Variants in FGF13 observed in about 807,000 individuals in gnomAD.
The protein encoded by FGF13 is fibroblast growth factor 13, also known as fibroblast growth factor homologous factor 2.
Under a neutral mutation model 19.5 loss-of-function variants are expected in FGF13, and 2 were observed. The ratio of observed to expected loss-of-function variants is 0.10; its 90% CI spans 0.04 to 0.32. FGF13 has a LOEUF of 0.32. Ranked by LOEUF, FGF13 falls within the 10% of genes least tolerant of loss-of-function variation. FGF13 has a pLI of 1.00. For missense variants in FGF13, 113 were observed against 192.7 expected (o/e 0.59, Z 2.45); for synonymous variants, 72 against 76.9 (o/e 0.94, Z 0.33).
At chrX:138,666,385 C>T (rs2089545423) in intron 3 of FGF13, among the ~76,000 whole-genome samples, 2 of 111,665 alleles carry the variant, frequency 1.8e-5, no homozygotes, top group Admixed American at 9.5e-5. Flanking sequence ...AAGCTACATT[C>T]TCCTAAGGTA....
chrX:139,096,117 T>C (rs1411273653), intron 1 of FGF13, among the ~76,000 whole-genome samples: 1 of 111,777 alleles, frequency 8.9e-6, no homozygotes, highest in Admixed American at 9.5e-5. Flanking sequence ...CCCTGCTAAG[T>C]GTTTAGAATG....
intron 1 of FGF13, among the ~76,000 whole-genome samples, chrX:139,171,834 C>A (rs1467801802): frequency 9.0e-6 from 1 of 111,648 alleles, no homozygotes; most frequent in Non-Finnish European, 1.9e-5. Flanking sequence ...TGACTTTATA[C>A]AAGAAAACAA....
At chrX:139,191,243 C>T (rs1424776422) in intron 1 of FGF13, among the ~76,000 whole-genome samples, 2 of 112,160 alleles carry the variant, frequency 1.8e-5, no homozygotes, top group African/African-American at 3.2e-5. Context: ...GGGGAGATGC[C>T]TCTGCACTAA....
chrX:139,008,242 A>T (rs1171020881), intron 1 of FGF13, among the ~76,000 whole-genome samples: 1 of 111,571 alleles, frequency 9.0e-6, no homozygotes, highest in Non-Finnish European at 1.9e-5. Context: ...CAAAGATCAT[A>T]ATCTCTCTGG....
At chrX:139,026,100 T>C (rs1005572552) in intron 1 of FGF13, among the ~76,000 whole-genome samples, 1 of 111,091 alleles carries the variant, frequency 9.0e-6, no homozygotes, top group African/African-American at 3.3e-5. Context: ...TTGCCCCAAC[T>C]TCCCTGCCCT....
chrX:138,633,759 C>G (rs1268547258), intron 4 of FGF13, among the ~76,000 whole-genome samples: 1 of 111,432 alleles, frequency 9.0e-6, no homozygotes, highest in Non-Finnish European at 1.9e-5. Flanking sequence ...TACTCTTATC[C>G]ATATTATACA....
At chrX:138,933,840 A>C (rs774573637) in intron 1 of FGF13, among the ~76,000 whole-genome samples, 16 of 111,410 alleles carry the variant, frequency 1.4e-4, no homozygotes, top group East Asian at 1.4e-3. Context: ...TGTCTTCCCT[A>C]CCAGTCTGTG....
intron 1 of FGF13, among the ~76,000 whole-genome samples, chrX:138,989,798 C>G (rs2092008212): frequency 9.1e-6 from 1 of 109,727 alleles, no homozygotes; most frequent in African/African-American, 3.3e-5. Context: ...AAATGGCCAG[C>G]CCAGAGTTAT....
chrX:138,944,081 T>C (rs758836451), intron 1 of FGF13, among the ~76,000 whole-genome samples: 11 of 111,306 alleles, frequency 9.9e-5, no homozygotes, highest in Non-Finnish European at 1.9e-4. Flanking sequence ...GGAATGCCTA[T>C]ACAATATTAA....
intron 1 of FGF13, among the ~76,000 whole-genome samples, chrX:139,144,847 T>C (rs988037544): frequency 1.0e-4 from 11 of 109,493 alleles, no homozygotes; most frequent in African/African-American, 3.8e-4. Flanking sequence ...TGTCAATATA[T>C]ATTGAATTAT....
At chrX:138,892,839 A>G in intron 1 of FGF13, among the ~76,000 whole-genome samples, 1 of 109,718 alleles carries the variant, frequency 9.1e-6, no homozygotes, top group Middle Eastern at 4.6e-3. Flanking sequence ...AGACATACTT[A>G]GCTACATGAA....
chrX:138,845,882 G>T (rs1236579619), intron 3 of FGF13, among the ~76,000 whole-genome samples: 5 of 111,750 alleles, frequency 4.5e-5, no homozygotes, highest in Non-Finnish European at 9.4e-5. Flanking sequence ...TAAGAGAAAA[G>T]TTACTTGCTG....
At chrX:138,865,485 T>TCCTCTCTCTCTCC in intron 1 of FGF13, among the ~76,000 whole-genome samples, 1 of 91,354 alleles carries the variant, frequency 1.1e-5, no homozygotes, top group South Asian at 5.4e-4. Flanking sequence ...TCTCTCTCTC[T>TCCTCTCTCTCTCC]CCTCTCTCTC....
At chrX:138,737,089 A>G (rs892137049) in intron 1 of FGF13, among the ~76,000 whole-genome samples, 1 of 111,825 alleles carries the variant, frequency 8.9e-6, no homozygotes, top group Admixed American at 9.5e-5. Context: ...TACACAGAGC[A>G]CAGCTGCTGT....
At chrX:138,924,814 C>T (rs2091664099) in intron 1 of FGF13, among the ~76,000 whole-genome samples, 1 of 97,147 alleles carries the variant, frequency 1.0e-5, no homozygotes, top group Non-Finnish European at 2.1e-5. Context: ...AGGTGAACTC[C>T]CAGGTGTTTG....
chrX:138,899,510 T>C (rs950550817), intron 1 of FGF13, among the ~76,000 whole-genome samples: 17 of 111,037 alleles, frequency 1.5e-4, no homozygotes, highest in African/African-American at 5.6e-4. Flanking sequence ...TTGGGGAGAA[T>C]GCTTGCCAAA....
At chrX:139,124,899 T>C (rs1032443368) in intron 1 of FGF13, among the ~76,000 whole-genome samples, 2 of 111,088 alleles carry the variant, frequency 1.8e-5, no homozygotes, top group Admixed American at 1.9e-4. Context: ...AGCCTAGGCT[T>C]CCAAATGGGA....
chrX:138,711,554 C>G lies in FGF13; in HGVS notation c.-551G>C. 1.3e-6 allele frequency: 1 copy of G among 755,912 alleles called. No individual in the cohort carries two copies. The highest frequency in any genetic ancestry group is 1.6e-6 in the Non-Finnish European group (1 of 639,936). 62.3% of individuals were successfully genotyped at this position (755,912 alleles called of 1,213,427 possible). On this transcript the variant is annotated 5_prime_UTR_variant, in exon 1 of 5. Transcript: ENST00000315930. Reference sequence around the variant, plus strand: ...CCTCCGAGTCTTCGACTAGTCCTTGCAACTTCTTGGCGTGATAATCGGGAA... The same window carrying G: ...CCTCCGAGTCTTCGACTAGTCCTTGGAACTTCTTGGCGTGATAATCGGGAA...
At chrX:138,865,472 TCCTCTCTCTCTCTC>T (rs2091316750) in intron 1 of FGF13, among the ~76,000 whole-genome samples, 1 of 81,070 alleles carries the variant, frequency 1.2e-5, no homozygotes, top group African/African-American at 6.2e-5. Flanking sequence ...TCTCTCTCTC[TCCTCTCTCTCTCTC>T]CTCTCTCTCT....
Sources: allele counts gnomAD v4.1 joint callset (sites outside exome capture counted in the v4.1 genomes callset), GRCh38; gene constraint gnomAD v4.1.1; transcripts MANE v1.5; gene names NCBI Gene and HGNC (gene_info 2026-07-23, HGNC 2026-07-21).